The following POLH variants were observed in gnomAD, a reference collection of about 807,000 sequenced individuals.
POLH encodes the protein DNA polymerase eta.
In POLH, 53 loss-of-function variants were observed where a neutral mutation model predicts 73.6. The observed-to-expected ratio is 0.72, with a 90% CI of 0.58 to 0.91. The LOEUF is 0.91. Ranked by LOEUF, POLH falls within the 40% of genes least tolerant of loss-of-function variation. The pLI is 0.00. For missense variants in POLH, 768 were observed against 865.4 expected (o/e 0.89, Z 1.41); for synonymous variants, 292 against 308.5 (o/e 0.95, Z 0.56).
At chr6:43,576,773 G>A (rs556480121) in intron 1 of POLH, among the ~76,000 whole-genome samples, 1 of 152,296 alleles carries the variant, frequency 6.6e-6, no homozygotes, top group East Asian at 1.9e-4. Flanking sequence ...TTTGATAATT[G>A]GCCAAGTGCT....
intron 1 of POLH, among the ~76,000 whole-genome samples, chr6:43,579,842 C>G (rs1185907989): frequency 6.6e-6 from 1 of 151,624 alleles, no homozygotes; most frequent in African/African-American, 2.4e-5. Context: ...GGGGAGAAAT[C>G]CTCACACATT....
At chr6:43,609,292 G>A (rs1767635318) in intron 9 of POLH, among the ~76,000 whole-genome samples, 1 of 151,970 alleles carries the variant, frequency 6.6e-6, no homozygotes, top group Non-Finnish European at 1.5e-5. Context: ...TGCATCTCTA[G>A]GCACTGTCTA....
intron 4 of POLH, among the ~76,000 whole-genome samples, chr6:43,589,365 TC>T (rs908063018): frequency 6.6e-6 from 1 of 152,170 alleles, no homozygotes; most frequent in Non-Finnish European, 1.5e-5. Flanking sequence ...AGTTCCTGTT[TC>T]CCCCATATTC....
chr6:43,585,654 T>G (rs1764721303), intron 3 of POLH, among the ~76,000 whole-genome samples: 1 of 148,764 alleles, frequency 6.7e-6, no homozygotes, highest in Admixed American at 6.7e-5. Flanking sequence ...TTTTTTTTTT[T>G]GTGGGTGGGG....
Position 43,619,989 on chromosome 6 carries a change from C to T in POLH, c.*5432C>T, listed in dbSNP as rs376263272. 1 of 254,590 alleles carries T rather than the reference C, an allele frequency of 3.9e-6. No individual in the cohort carries two copies. Among genetic ancestry groups the T allele is most frequent in the Non-Finnish European group, 7.7e-6 (1 of 130,062 alleles). The allele number at this position is 254,590 out of a possible 1,614,324, so 15.8% of individuals were successfully genotyped here. A position where few individuals can be genotyped will look rare whatever the true frequency, so the allele number is the denominator to read the frequency against. ...ACAGTTGACTTTGGCCCCTATTTACCCATAAAATGTCAAAATCAAGTAGTA... is the reference window on the plus strand; with the variant it reads ...ACAGTTGACTTTGGCCCCTATTTACTCATAAAATGTCAAAATCAAGTAGTA... On this transcript the variant is annotated 3_prime_UTR_variant, in exon 11 of 11. Transcript: ENST00000372236.
chr6:43,581,132 T>G (rs1326305248), intron 1 of POLH, among the ~76,000 whole-genome samples: 3 of 139,048 alleles, frequency 2.2e-5, no homozygotes, highest in African/African-American at 8.2e-5. Flanking sequence ...TCCTCACTTC[T>G]CAGACGGGGT....
chr6:43,595,357 A>G (rs2127790960), intron 4 of POLH, among the ~76,000 whole-genome samples: 1 of 151,972 alleles, frequency 6.6e-6, no homozygotes, highest in South Asian at 2.1e-4. Context: ...GGCTGGTCTC[A>G]AACTCCTGAC....
At chr6:43,601,674 G>T (rs1404859656) in intron 6 of POLH, among the ~76,000 whole-genome samples, 1 of 152,160 alleles carries the variant, frequency 6.6e-6, no homozygotes, top group Non-Finnish European at 1.5e-5. Context: ...TATAGTCCCA[G>T]CACTTTTGGT....
chr6:43,598,292 C>A (rs1766325225), intron 5 of POLH, among the ~76,000 whole-genome samples: 2 of 150,788 alleles, frequency 1.3e-5, no homozygotes, highest in African/African-American at 4.9e-5. Context: ...ATAAGTAATT[C>A]TTTAACATGG....
At chr6:43,605,546 T>C (rs969066726) in intron 9 of POLH, among the ~76,000 whole-genome samples, 1 of 143,504 alleles carries the variant, frequency 7.0e-6, no homozygotes, top group African/African-American at 2.6e-5. Flanking sequence ...CCTCTTAGGC[T>C]CAAGCTCTCC....
At chr6:43,612,005 G>A (rs956473878) in intron 10 of POLH, among the ~76,000 whole-genome samples, 1 of 152,024 alleles carries the variant, frequency 6.6e-6, no homozygotes, top group Non-Finnish European at 1.5e-5. Context: ...GCGGTGAGCC[G>A]AGATTGCGCC....
intron 9 of POLH, among the ~76,000 whole-genome samples, chr6:43,608,724 C>T (rs753366175): frequency 2.6e-5 from 4 of 152,142 alleles, no homozygotes; most frequent in Admixed American, 1.3e-4. Context: ...CAGTGGGGAT[C>T]CCTGAAAATC....
intron 4 of POLH, among the ~76,000 whole-genome samples, chr6:43,587,949 C>T (rs1284972263): frequency 6.6e-6 from 1 of 152,168 alleles, no homozygotes; most frequent in African/African-American, 2.4e-5. Context: ...TTTGCTTGAA[C>T]CAGGACCCAG....
rs1457418300 is a variant in POLH at position 43,582,296 on chromosome 6, C to T, written c.-4-20C>T. On this transcript the variant is annotated intron_variant, in intron 1 of 10. Coordinates refer to ENST00000372236, the MANE Select transcript of POLH (RefSeq NM_006502.3). ...TGGATTAGGTGTTTTTCTAACTGTCCATAAAATGTTGTGTTACAGAAAAAT... is the reference window on the plus strand; with the variant it reads ...TGGATTAGGTGTTTTTCTAACTGTCTATAAAATGTTGTGTTACAGAAAAAT... 2.5e-6 allele frequency: 4 copies of T among 1,611,914 alleles called. No individual in the cohort carries two copies. Among genetic ancestry groups the T allele is most frequent in the Non-Finnish European group, 2.5e-6 (3 of 1,178,142 alleles).
At chr6:43,592,719 A>G (rs1179352792) in intron 4 of POLH, among the ~76,000 whole-genome samples, 3 of 151,978 alleles carry the variant, frequency 2.0e-5, no homozygotes, top group Admixed American at 6.6e-5. Context: ...CTGGCCTTGT[A>G]TTTTCTAAAA....
intron 4 of POLH, among the ~76,000 whole-genome samples, chr6:43,592,988 A>T (rs1765634748): frequency 6.6e-6 from 1 of 152,182 alleles, no homozygotes; most frequent in African/African-American, 2.4e-5. Context: ...CCAAAGTGCC[A>T]GGATTATAGG....
chr6:43,586,008 AAGTC>A (rs1286656839), intron 3 of POLH, among the ~76,000 whole-genome samples: 1 of 152,054 alleles, frequency 6.6e-6, no homozygotes, highest in African/African-American at 2.4e-5. Flanking sequence ...AAAAAAAAAA[AAGTC>A]AAGTATTTCT....
At chr6:43,584,086 T>G (rs1266722050) in intron 3 of POLH, among the ~76,000 whole-genome samples, 1 of 152,166 alleles carries the variant, frequency 6.6e-6, no homozygotes, top group Non-Finnish European at 1.5e-5. Context: ...GAGGTTGCAG[T>G]GGGCCCAGAT....
At chr6:43,606,531 C>T (rs993539699) in intron 9 of POLH, among the ~76,000 whole-genome samples, 2 of 151,940 alleles carry the variant, frequency 1.3e-5, no homozygotes, top group African/African-American at 4.8e-5. Context: ...CAAATTCAAG[C>T]GATTCTCCTG....
Sources: allele counts gnomAD v4.1 joint callset (sites outside exome capture counted in the v4.1 genomes callset), GRCh38; gene constraint gnomAD v4.1.1; transcripts MANE v1.5; gene names NCBI Gene and HGNC (gene_info 2026-07-23, HGNC 2026-07-21).